Variants in ZFP2 observed in about 807,000 individuals in gnomAD.
ZFP2 encodes zinc finger protein ZFP2.
In ZFP2, 33 loss-of-function variants were observed where a neutral mutation model predicts 36.1. The ratio of observed to expected loss-of-function variants is 0.92; its 90% CI spans 0.69 to 1.22. The LOEUF is 1.22. Among genes scored for constraint, ZFP2 ranks in the 50% most tolerant of loss-of-function variants. The pLI, the probability that ZFP2 is intolerant of heterozygous loss-of-function variation, is 0.00. For missense variants in ZFP2, 522 were observed against 551.4 expected (o/e 0.95, Z 0.53); for synonymous variants, 170 against 178.0 (o/e 0.96, Z 0.36).
chr5:178,904,865 GCTAA>G (rs1318792420), intron 1 of ZFP2, among the ~76,000 whole-genome samples: 12 of 151,742 alleles, frequency 7.9e-5, no homozygotes, highest in Admixed American at 7.9e-4. Context: ...ACCACGCCTG[GCTAA>G]CTTTTTGTAT....
chr5:178,898,994 A>G (rs369201130), intron 1 of ZFP2, among the ~76,000 whole-genome samples: 1 of 152,166 alleles, frequency 6.6e-6, no homozygotes, highest in South Asian at 2.1e-4. Context: ...GCACCTGAAT[A>G]TGGTAATAAG....
intron 1 of ZFP2, among the ~76,000 whole-genome samples, chr5:178,906,618 C>T (rs749109134): frequency 2.6e-5 from 4 of 151,850 alleles, no homozygotes; most frequent in Admixed American, 6.6e-5. Context: ...TGCAGTGGCC[C>T]GATCTCGGCT....
At chr5:178,930,307 C>CTTT (rs1758799368) in intron 4 of ZFP2, among the ~76,000 whole-genome samples, 1 of 135,012 alleles carries the variant, frequency 7.4e-6, no homozygotes, top group Non-Finnish European at 1.6e-5. Flanking sequence ...CTTTTTTTTT[C>CTTT]CCTTTCCTTT....
intron 4 of ZFP2, among the ~76,000 whole-genome samples, chr5:178,917,847 A>G (rs1273431184): frequency 6.6e-6 from 1 of 152,242 alleles, no homozygotes; most frequent in African/African-American, 2.4e-5. Context: ...ATGAATGTAG[A>G]AGTATTCAAA....
chr5:178,896,139 C>T (rs1230330016), intron 1 of ZFP2, among the ~76,000 whole-genome samples, 165 bp downstream of exon 1: 1 of 152,182 alleles, frequency 6.6e-6, no homozygotes, highest in African/African-American at 2.4e-5. Flanking sequence ...TGTGGAGCGC[C>T]GGGCCTCCGG....
chr5:178,913,858 C>CTTTTTTTTTTTT (rs1217671563), intron 3 of ZFP2: 1 of 129,746 alleles, frequency 7.7e-6, no homozygotes, highest in East Asian at 2.3e-4. Context: ...CTTTTTTTTT[C>CTTTTTTTTTTTT]TTTTTTTTTT....
chr5:178,902,120 CTG>C (rs1333937458), intron 1 of ZFP2, among the ~76,000 whole-genome samples: 3 of 152,102 alleles, frequency 2.0e-5, no homozygotes, highest in Non-Finnish European at 4.4e-5. Context: ...GGGAGACAGA[CTG>C]AGACAACAAC....
At chr5:178,922,479 T>A in intron 4 of ZFP2, 1 of 1,378,620 alleles carries the variant, frequency 7.3e-7, no homozygotes, top group Non-Finnish European at 1.0e-6. Context: ...AAAGCATGGC[T>A]AAGAGTTTTC....
At position 178,920,135 on chromosome 5, in the gene ZFP2, T is replaced by C. The variant is rs57426447; in HGVS notation, c.-78+3425T>C. 2.0e-5 allele frequency among the ~76,000 whole-genome samples: 3 copies of C among 152,108 alleles called. No homozygotes were observed. In the South Asian group the frequency reaches 6.2e-4, roughly 32 times the overall value. ...CCTTCTCTGGGACTCCAGTGAGACA[T>C]ATATGAGATCTTTTGTTGTTGTCCC... On this transcript the variant is annotated intron_variant, in intron 4 of 4. Transcript: ENST00000361362.
At chr5:178,903,375 C>A (rs1429160118) in intron 1 of ZFP2, among the ~76,000 whole-genome samples, 1 of 151,944 alleles carries the variant, frequency 6.6e-6, no homozygotes, top group African/African-American at 2.4e-5. Context: ...ATCTACTATC[C>A]CTTTTTAAAA....
At chr5:178,912,537 C>A in intron 1 of ZFP2, 47 bp from the exon 2 acceptor site, 1 of 488,804 alleles carries the variant, frequency 2.0e-6, no homozygotes, top group Non-Finnish European at 2.7e-6. Context: ...ATTTTCACTC[C>A]CCTCAGAGGG....
chr5:178,930,314 C>CTTTTTTTTTTTTTTTTTTTTT (rs990713790), intron 4 of ZFP2, among the ~76,000 whole-genome samples: 10 of 71,324 alleles, frequency 1.4e-4, no homozygotes, highest in African/African-American at 2.4e-4. Flanking sequence ...TTTCCCTTTC[C>CTTTTTTTTTTTTTTTTTTTTT]TTTTTTTTTT....
At chr5:178,927,661 CAA>C (rs1231313034) in intron 4 of ZFP2, among the ~76,000 whole-genome samples, 19 of 114,746 alleles carry the variant, frequency 1.7e-4, no homozygotes, top group African/African-American at 6.2e-4. Context: ...CATACCTGGC[CAA>C]TGTGTGTGTG....
rs1317077322 is a variant in ZFP2 at position 178,932,430 on chromosome 5, C to T, written c.1117C>T (p.Gln373Ter). Residue 373 changes from glutamine to a stop codon, truncating the protein, a stop_gained, in exon 5 of 5, where the codon CAG becomes TAG. Coordinates refer to ENST00000361362, the MANE Select transcript of ZFP2 (RefSeq NM_030613.4). LOFTEE classifies it high-confidence loss of function. ...TGGACGATCATCCCTTACCGTGCAT[C>T]AGGTCATTCACACTGGAGAGAAACC... ...FTGRSSLTVH[Q>*]VIHTGEKPYE... The T allele has an allele frequency of 3.7e-6, 6 of 1,614,084 alleles. No homozygotes were observed. Among genetic ancestry groups the T allele is most frequent in the Non-Finnish European group, 4.2e-6 (5 of 1,180,014 alleles).
At position 178,932,624 on chromosome 5, in the gene ZFP2, C is replaced by CTATCAGTG. The variant is rs1463633344; in HGVS notation, c.1314_1321dup (p.Asn441IlefsTer36). The CTATCAGTG allele has an allele frequency of 6.2e-7, 1 of 1,613,904 alleles. No homozygotes were observed. The highest frequency in any genetic ancestry group is 1.3e-5 in the African/African-American group (1 of 74,908). On this transcript the variant is annotated frameshift_variant, in exon 5 of 5. Transcript: ENST00000361362. LOFTEE classifies it high-confidence loss of function. ...AGAGAACTCATACAGGAGAGAAACC[C>CTATCAGTG]TATCAGTGTAATGAATGCGGAAAAG...
chr5:178,901,900 A>G (rs1456855023), intron 1 of ZFP2, among the ~76,000 whole-genome samples: 2 of 152,120 alleles, frequency 1.3e-5, no homozygotes, highest in South Asian at 2.1e-4. Flanking sequence ...TTGGGAGGCC[A>G]CGGCAGGTGG....
intron 4 of ZFP2, among the ~76,000 whole-genome samples, chr5:178,925,158 TAC>T (rs61001923): frequency 0.21 from 29,872 of 142,562 alleles, 5,390 homozygotes; most frequent in Non-Finnish European, 0.27. Context: ...CACATATATA[TAC>T]ACATATATAC....
At chr5:178,927,631 G>C (rs1396057853) in intron 4 of ZFP2, among the ~76,000 whole-genome samples, 1 of 149,308 alleles carries the variant, frequency 6.7e-6, no homozygotes, top group Non-Finnish European at 1.5e-5. Context: ...TCAGTAGCTG[G>C]GATTACAGGT....
intron 1 of ZFP2, chr5:178,909,895 A>G (rs1758253840): frequency 1.7e-5 from 26 of 1,552,838 alleles, no homozygotes; most frequent in Non-Finnish European, 2.2e-5. Context: ...AACATGTTCC[A>G]AGAGTCCCGG....
Sources: allele counts gnomAD v4.1 joint callset (sites outside exome capture counted in the v4.1 genomes callset), GRCh38; gene constraint gnomAD v4.1.1; transcripts MANE v1.5; gene names NCBI Gene and HGNC (gene_info 2026-07-23, HGNC 2026-07-21).